Variants in ZNF362 observed in about 807,000 individuals in gnomAD.
The protein encoded by ZNF362 is zinc finger protein 362.
ZNF362 carries 11 observed loss-of-function variants against 42.9 expected under a neutral mutation model. That is an observed-to-expected ratio of 0.26 (90% CI 0.16 to 0.42). The LOEUF (loss-of-function observed/expected upper bound fraction) is 0.42. Among genes scored for constraint, ZNF362 ranks in the 20% least tolerant of loss-of-function variants. ZNF362 has a pLI of 1.00. For synonymous variants in ZNF362, 255 were observed against 257.3 expected (o/e 0.99, Z 0.09); for missense variants, 362 against 576.2 (o/e 0.63, Z 3.81).
At chr1:33,295,460 A>G (rs917082926) in intron 8 of ZNF362, among the ~76,000 whole-genome samples, 155 bp downstream of exon 8, 5 of 152,176 alleles carry the variant, frequency 3.3e-5, no homozygotes, top group African/African-American at 9.7e-5. Context: ...ATCACAGGGA[A>G]GGGGAGAACC....
At chr1:33,216,260 A>G in the ZNF362 span, among the ~76,000 whole-genome samples, 12 of 72,748 alleles carry the variant, frequency 1.6e-4, no homozygotes, top group African/African-American at 4.0e-4. Flanking sequence ...TGCTAAGCAC[A>G]GGGCTAGCCA....
At chr1:33,264,140 T>C (rs1645847877) in intron 1 of ZNF362, among the ~76,000 whole-genome samples, 1 of 152,158 alleles carries the variant, frequency 6.6e-6, no homozygotes, top group Admixed American at 6.5e-5. Context: ...GGGTTCCCTG[T>C]CCAGGACCCC....
intron 1 of ZNF362, 25 bp from the exon 2 acceptor site, chr1:33,270,462 T>G: frequency 1.5e-6 from 1 of 652,716 alleles, no homozygotes; most frequent in Non-Finnish European, 2.8e-6. Flanking sequence ...TTGTTATTAT[T>G]GTTATTGTTA....
the ZNF362 span, among the ~76,000 whole-genome samples, chr1:33,197,049 G>T: frequency 6.6e-6 from 1 of 152,308 alleles, no homozygotes; most frequent in East Asian, 1.9e-4. Context: ...GGATATCCTA[G>T]CTTGCTGAGT....
rs1557794821 is a variant in ZNF362 at position 33,281,407 on chromosome 1, A to G, written c.684-180A>G. ...CCCCCAGGCAAGAGCTTCCTCCTCC[A>G]GATTTAAGGGTGCCCAGGCTGGGAG... On this transcript the variant is annotated intron_variant, in intron 5 of 8. Transcript: ENST00000539719. This position sits in a 1 kb window ranked among gnomAD's most constrained non-coding sequence, Gnocchi z 4.8. Among the ~76,000 whole-genome samples the G allele has an allele frequency of 6.6e-6, 1 of 152,070 alleles. No homozygotes were observed. Among genetic ancestry groups the G allele is most frequent in the Non-Finnish European group, 1.5e-5 (1 of 67,988 alleles).
At chr1:33,275,435 C>T (rs1040649671) in intron 2 of ZNF362, 6 of 973,552 alleles carry the variant, frequency 6.2e-6, no homozygotes, top group African/African-American at 3.5e-5. Context: ...TTCTCATCCA[C>T]GTCGTTGTAG....
chr1:33,238,405 T>TAAAAA, the ZNF362 span, among the ~76,000 whole-genome samples: 2 of 136,936 alleles, frequency 1.5e-5, no homozygotes, highest in South Asian at 2.4e-4. Context: ...TAAAATAAAA[T>TAAAAA]AAAAAAAGAG....
chr1:33,226,603 G>C, the ZNF362 span, among the ~76,000 whole-genome samples: 1 of 152,018 alleles, frequency 6.6e-6, no homozygotes. Flanking sequence ...CATGGCTCAC[G>C]CCTGTAATCC....
the ZNF362 span, among the ~76,000 whole-genome samples, chr1:33,150,761 G>C: frequency 6.6e-6 from 1 of 152,126 alleles, no homozygotes; most frequent in Middle Eastern, 3.2e-3. Context: ...TGTAGGAGGA[G>C]TGTGTGGTAG....
chr1:33,154,838 A>G, the ZNF362 span, among the ~76,000 whole-genome samples: 5 of 150,202 alleles, frequency 3.3e-5, no homozygotes, highest in Admixed American at 3.3e-4. Flanking sequence ...TCACGCCTGT[A>G]ATCCCAGCAC....
intron 2 of ZNF362, 99 bp downstream of exon 2, chr1:33,270,711 G>A (rs982729886): frequency 2.8e-5 from 44 of 1,549,162 alleles, no homozygotes; most frequent in Admixed American, 2.5e-4. Flanking sequence ...GAGTGCCCCC[G>A]CTGCTACCCT....
At chr1:33,295,749 G>A (rs927372168) in intron 8 of ZNF362, among the ~76,000 whole-genome samples, 4 of 152,294 alleles carry the variant, frequency 2.6e-5, no homozygotes, top group Non-Finnish European at 4.4e-5. Context: ...TTCAGCTCCC[G>A]TCCCTGGGTG....
intron 1 of ZNF362, among the ~76,000 whole-genome samples, chr1:33,258,740 C>CATG (rs565105573): frequency 1.1e-4 from 17 of 152,180 alleles, no homozygotes; most frequent in Non-Finnish European, 2.2e-4. Context: ...CCCCCGCCAT[C>CATG]ATAATCTTTC....
chr1:33,221,483 C>T, the ZNF362 span, among the ~76,000 whole-genome samples: 22 of 152,220 alleles, frequency 1.4e-4, no homozygotes, highest in Non-Finnish European at 2.8e-4. Context: ...GGGTTGCTGC[C>T]GTCTTTGTAT....
intron 8 of ZNF362, 108 bp downstream of exon 8, chr1:33,295,413 C>CAAAG (rs5773406): frequency 0.55 from 761,339 of 1,376,992 alleles, 215,111 homozygotes; most frequent in Admixed American, 0.68. Flanking sequence ...ATTTTCCAGA[C>CAAAG]AAATTGAGGC....
At chr1:33,246,279 A>C in the ZNF362 span, among the ~76,000 whole-genome samples, 1 of 152,144 alleles carries the variant, frequency 6.6e-6, no homozygotes, top group Non-Finnish European at 1.5e-5. Flanking sequence ...GGGACCAGGC[A>C]GGGGAATGCT....
intron 6 of ZNF362, among the ~76,000 whole-genome samples, chr1:33,282,773 G>C (rs1646005032): frequency 6.7e-6 from 1 of 150,108 alleles, no homozygotes; most frequent in Non-Finnish European, 1.5e-5. Flanking sequence ...AGTGAGCCGA[G>C]ATTGCGCCAT....
At chr1:33,219,919 T>C in the ZNF362 span, among the ~76,000 whole-genome samples, 1 of 152,188 alleles carries the variant, frequency 6.6e-6, no homozygotes, top group Non-Finnish European at 1.5e-5. Context: ...CAACTCCCCC[T>C]AGATACCCTT....
the ZNF362 span, among the ~76,000 whole-genome samples, chr1:33,141,385 G>T: frequency 6.6e-6 from 1 of 152,154 alleles, no homozygotes; most frequent in African/African-American, 2.4e-5. Context: ...TGGGAACCAG[G>T]ACACTTGAGT....
Sources: gnomAD v4.1 joint callset for allele counts (sites outside exome capture counted in the v4.1 genomes callset) on GRCh38, gnomAD v4.1.1 for gene constraint, Gnocchi (gnomAD v3.1) non-coding constraint, MANE v1.5 for transcripts, NCBI Gene and HGNC (gene_info 2026-07-23, HGNC 2026-07-21) for gene names.